Variants in TSPAN9 observed in about 807,000 individuals in gnomAD.
TSPAN9 encodes the protein tetraspanin-9.
In TSPAN9, 16 loss-of-function variants were observed where a neutral mutation model predicts 31.0. The observed-to-expected ratio is 0.52, with a 90% CI of 0.35 to 0.78. The LOEUF (loss-of-function observed/expected upper bound fraction) is 0.78. TSPAN9 is among the 30% of genes least tolerant of loss of function. The pLI is 0.01. For missense variants in TSPAN9, 272 were observed against 312.5 expected (o/e 0.87, Z 0.98); for synonymous variants, 145 against 121.6 (o/e 1.19, Z -1.27).
chr12:3,117,172 G>A (rs138222512), intron 2 of TSPAN9, among the ~76,000 whole-genome samples: 1,765 of 152,250 alleles, frequency 0.012, 23 homozygotes, highest in Non-Finnish European at 0.016. Context: ...GCTGTCTTGG[G>A]TGGCTGCACA....
chr12:3,141,772 T>G (rs935590061), intron 2 of TSPAN9, among the ~76,000 whole-genome samples: 1 of 152,174 alleles, frequency 6.6e-6, no homozygotes, highest in African/African-American at 2.4e-5. Context: ...GGGCCACCCA[T>G]GCTTAGTCCC....
intron 2 of TSPAN9, among the ~76,000 whole-genome samples, chr12:3,189,151 C>T (rs1319525196): frequency 1.3e-5 from 2 of 152,160 alleles, no homozygotes; most frequent in African/African-American, 4.8e-5. Flanking sequence ...TTTGGGGGAT[C>T]TTTCTTGGAG....
At chr12:3,100,156 C>T (rs1453653656) in intron 2 of TSPAN9, among the ~76,000 whole-genome samples, 4 of 152,148 alleles carry the variant, frequency 2.6e-5, no homozygotes, top group Non-Finnish European at 2.9e-5. Context: ...GGTCTGTCCA[C>T]TCTTGCTGGT....
intron 3 of TSPAN9, among the ~76,000 whole-genome samples, chr12:3,262,070 T>G (rs1474256895): frequency 6.6e-6 from 1 of 152,222 alleles, no homozygotes; most frequent in Non-Finnish European, 1.5e-5. Flanking sequence ...GCCAGAAACC[T>G]TAAGGTTCTA....
At chr12:3,281,913 C>A in intron 8 of TSPAN9, 96 bp downstream of exon 8, 2 of 1,364,254 alleles carry the variant, frequency 1.5e-6, no homozygotes, top group Non-Finnish European at 2.1e-6. Flanking sequence ...TGGTACACGG[C>A]GGAGGGTCTG....
At chr12:3,219,700 G>T (rs56366611) in intron 3 of TSPAN9, among the ~76,000 whole-genome samples, 7,227 of 152,162 alleles carry the variant, frequency 0.047, 256 homozygotes, top group Non-Finnish European at 0.062. Flanking sequence ...CACACCCTGG[G>T]GCCTGTCGGG....
chr12:3,113,690 G>A (rs1018964434), intron 2 of TSPAN9, among the ~76,000 whole-genome samples: 3 of 152,090 alleles, frequency 2.0e-5, no homozygotes, highest in Admixed American at 6.5e-5. Context: ...TGTGAACCCC[G>A]GGAGACCCTC....
At chr12:3,163,441 A>G (rs10848816) in intron 2 of TSPAN9, among the ~76,000 whole-genome samples, 38,292 of 152,098 alleles carry the variant, frequency 0.25, 5,645 homozygotes, top group African/African-American at 0.4. Context: ...GGCAGGGACC[A>G]TGGCTTTCTG....
At chr12:3,090,828 T>C (rs1157981649) in intron 2 of TSPAN9, among the ~76,000 whole-genome samples, 3 of 152,074 alleles carry the variant, frequency 2.0e-5, no homozygotes, top group Non-Finnish European at 4.4e-5. Context: ...CCACCGATCT[T>C]TGGAAGATAG....
chr12:3,128,900 C>T (rs1303195987), intron 2 of TSPAN9, among the ~76,000 whole-genome samples: 1 of 152,210 alleles, frequency 6.6e-6, no homozygotes, highest in Non-Finnish European at 1.5e-5. Context: ...TGACACTGTG[C>T]ACCCATTAGA....
intron 3 of TSPAN9, among the ~76,000 whole-genome samples, chr12:3,269,758 A>G (rs1862636671): frequency 6.6e-6 from 1 of 152,190 alleles, no homozygotes; most frequent in South Asian, 2.1e-4. Flanking sequence ...TTGCTGAGTC[A>G]CAAGCGCTCC....
intron 3 of TSPAN9, among the ~76,000 whole-genome samples, chr12:3,276,022 G>A (rs957492722): frequency 6.6e-6 from 1 of 152,172 alleles, no homozygotes; most frequent in Non-Finnish European, 1.5e-5. Flanking sequence ...CTCCTCCGTA[G>A]CCTCCTGGTA....
intron 3 of TSPAN9, among the ~76,000 whole-genome samples, chr12:3,244,025 C>T (rs966450070): frequency 5.3e-5 from 8 of 152,218 alleles, no homozygotes; most frequent in African/African-American, 1.9e-4. Context: ...CCAAGGCTGC[C>T]CTTTCAGCTT....
intron 3 of TSPAN9, among the ~76,000 whole-genome samples, chr12:3,256,794 G>A (rs1862355707): frequency 6.6e-6 from 1 of 152,174 alleles, no homozygotes; most frequent in Non-Finnish European, 1.5e-5. Flanking sequence ...GACTTCAAGA[G>A]GGTCCATCCA....
At chr12:3,113,759 C>G (rs1291002931) in intron 2 of TSPAN9, among the ~76,000 whole-genome samples, 1 of 152,210 alleles carries the variant, frequency 6.6e-6, no homozygotes, top group Non-Finnish European at 1.5e-5. Context: ...TCACTCTGCC[C>G]TGCAGCCTCA....
rs993390646 is a variant in TSPAN9, at chr12:3,082,458, G to T, written c.-84-1195G>T. ...TCCATTCATTCTTCCAAGAGAACTT[G>T]AGTGCCCACCGTGTGCCAGCATTAA... On this transcript the variant is annotated intron_variant, in intron 1 of 8. Transcript: ENST00000011898. Among the ~76,000 whole-genome samples the T allele has an allele frequency of 4.3e-4, 65 of 152,224 alleles. 2 individuals carry two copies. The highest frequency in any genetic ancestry group is 5.9e-5 in the Non-Finnish European group (4 of 68,052).
At chr12:3,142,595 G>A (rs565222183) in intron 2 of TSPAN9, among the ~76,000 whole-genome samples, 58 of 152,238 alleles carry the variant, frequency 3.8e-4, no homozygotes, top group Admixed American at 7.8e-4. Flanking sequence ...TCAGCAAGCC[G>A]CCTGAGACAG....
chr12:3,187,603 C>T lies in TSPAN9; in HGVS notation c.-17-13574C>T, dbSNP rs530301998. 1.3e-4 allele frequency among the ~76,000 whole-genome samples: 20 copies of T among 152,236 alleles called. No individual in the cohort carries two copies. Among genetic ancestry groups the T allele is most frequent in the African/African-American group, 2.2e-4 (9 of 41,544 alleles). ...GGCCCTTTGTTCCCTCTTTTACAAA[C>T]GGAGACAACTTCCCTGCTTATCTTG... On this transcript the variant is annotated intron_variant, in intron 2 of 8. Coordinates refer to ENST00000011898, the MANE Select transcript of TSPAN9 (RefSeq NM_006675.5). This position sits in a 1 kb window ranked among gnomAD's most constrained non-coding sequence, Gnocchi z 5.2.
intron 2 of TSPAN9, among the ~76,000 whole-genome samples, chr12:3,144,183 C>T (rs551122010): frequency 3.5e-4 from 53 of 152,258 alleles, no homozygotes; most frequent in African/African-American, 1.2e-3. Context: ...TCAGTGCAAC[C>T]TCCACCTGCT....
Sources: gnomAD v4.1 joint callset for allele counts (sites outside exome capture counted in the v4.1 genomes callset) on GRCh38, gnomAD v4.1.1 for gene constraint, Gnocchi (gnomAD v3.1) non-coding constraint, MANE v1.5 for transcripts, NCBI Gene and HGNC (gene_info 2026-07-23, HGNC 2026-07-21) for gene names.